OXR1: variants seen among roughly 807,000 people sequenced by gnomAD.
OXR1 encodes oxidation resistance protein 1.
Under a neutral mutation model 104.6 loss-of-function variants are expected in OXR1, and 41 were observed. The observed-to-expected ratio is 0.39, with a 90% confidence interval of 0.31 to 0.51. The LOEUF (loss-of-function observed/expected upper bound fraction) is 0.51, where lower values mean the gene tolerates loss of function less well. Among genes scored for constraint, OXR1 ranks in the 20% least tolerant of loss-of-function variants. OXR1 has a pLI of 0.77. For missense variants in OXR1, 955 were observed against 1,031.9 expected, an observed-to-expected ratio of 0.93 and a Z score of 1.02; for synonymous variants, 348 against 348.4, an observed-to-expected ratio of 1.00 and a Z score of 0.01.
chr8:106,637,762 T>A (rs919003929), intron 3 of OXR1, among the ~76,000 whole-genome samples: 5 of 52,530 alleles, frequency 9.5e-5, no homozygotes, highest in East Asian at 8.7e-4. Flanking sequence ...TAGTTTCGAC[T>A]TTTTTTTTTT....
intron 1 of OXR1, among the ~76,000 whole-genome samples, chr8:106,307,891 A>T (rs187654950): frequency 1.6e-4 from 25 of 152,280 alleles, no homozygotes; most frequent in African/African-American, 6.0e-4. Context: ...TGATTATCAT[A>T]TGTCCATTTT....
At chr8:106,325,801 A>G (rs1814446534) in intron 1 of OXR1, among the ~76,000 whole-genome samples, 1 of 152,228 alleles carries the variant, frequency 6.6e-6, no homozygotes, top group Non-Finnish European at 1.5e-5. Flanking sequence ...TGCATAGATT[A>G]TTTTGATTTT....
intron 7 of OXR1, among the ~76,000 whole-genome samples, chr8:106,694,447 T>C (rs1463566889): frequency 5.1e-5 from 7 of 136,958 alleles, no homozygotes; most frequent in African/African-American, 8.3e-5. Flanking sequence ...AATATATTTT[T>C]ATATATATTT....
At chr8:106,339,492 C>CAAAAAA (rs562959605) in intron 1 of OXR1, among the ~76,000 whole-genome samples, 1 of 7,584 alleles carries the variant, frequency 1.3e-4, no homozygotes, top group Non-Finnish European at 1.9e-4. Context: ...AGACTCCATC[C>CAAAAAA]AAAAAAAAAA....
chr8:106,704,393 C>CTTCTTT (rs1830917410), intron 8 of OXR1, among the ~76,000 whole-genome samples: 6 of 47,892 alleles, frequency 1.3e-4, no homozygotes, highest in African/African-American at 3.0e-4. Context: ...CTTTCTTCTT[C>CTTCTTT]TTTTTTTTTT....
intron 3 of OXR1, among the ~76,000 whole-genome samples, chr8:106,633,700 C>T (rs967641477): frequency 7.2e-5 from 11 of 152,164 alleles, no homozygotes; most frequent in African/African-American, 2.2e-4. Flanking sequence ...ATAATTTCCT[C>T]GTCATGGTGT....
intron 2 of OXR1, among the ~76,000 whole-genome samples, chr8:106,458,454 C>T (rs1237349250): frequency 6.6e-6 from 1 of 152,178 alleles, no homozygotes. Flanking sequence ...TGGCTCCCTC[C>T]ACCAAGATTT....
chr8:106,499,900 T>A (rs917470087), intron 2 of OXR1, among the ~76,000 whole-genome samples: 7 of 152,212 alleles, frequency 4.6e-5, no homozygotes, highest in Non-Finnish European at 7.3e-5. Context: ...CAATTGCAAA[T>A]CATTGCCTGA....
intron 2 of OXR1, among the ~76,000 whole-genome samples, chr8:106,363,729 T>C (rs574616855): frequency 1.3e-5 from 2 of 152,152 alleles, no homozygotes; most frequent in East Asian, 1.9e-4. Flanking sequence ...GCCATCTAGG[T>C]TGGACCTTCA....
chr8:106,513,665 G>A (rs1812683485), intron 2 of OXR1, among the ~76,000 whole-genome samples: 1 of 152,152 alleles, frequency 6.6e-6, no homozygotes, highest in Non-Finnish European at 1.5e-5. Context: ...AAAGAAGCCT[G>A]AGAAGCGGAT....
intron 3 of OXR1, among the ~76,000 whole-genome samples, chr8:106,625,270 G>A (rs1051217094): frequency 2.0e-4 from 30 of 152,070 alleles, no homozygotes; most frequent in African/African-American, 6.8e-4. Flanking sequence ...GGGAGCAGTC[G>A]TGTGTACCTG....
intron 2 of OXR1, among the ~76,000 whole-genome samples, chr8:106,460,195 T>C (rs1820827483): frequency 6.6e-6 from 1 of 152,170 alleles, no homozygotes; most frequent in Non-Finnish European, 1.5e-5. Flanking sequence ...GACTTCTAAG[T>C]TGACAGTTAC....
intron 2 of OXR1, among the ~76,000 whole-genome samples, chr8:106,503,428 C>T (rs182203496): frequency 3.9e-5 from 6 of 152,254 alleles, no homozygotes; most frequent in African/African-American, 1.4e-4. Context: ...CCTTGGCTGA[C>T]CGCCCAATAC....
intron 3 of OXR1, among the ~76,000 whole-genome samples, chr8:106,654,871 A>C (rs3132805): frequency 0.41 from 62,745 of 152,026 alleles, 13,496 homozygotes; most frequent in African/African-American, 0.53. Context: ...ATGTTCCTAC[A>C]TTATTCACAA....
chr8:106,353,526 A>G (rs1223978636), intron 1 of OXR1, among the ~76,000 whole-genome samples: 3 of 152,102 alleles, frequency 2.0e-5, no homozygotes, highest in Non-Finnish European at 4.4e-5. Context: ...TCACTAAATT[A>G]TTATTTTTGA....
At chr8:106,426,884 T>G (rs1344127914) in intron 2 of OXR1, among the ~76,000 whole-genome samples, 1 of 152,206 alleles carries the variant, frequency 6.6e-6, no homozygotes, top group Non-Finnish European at 1.5e-5. Context: ...GAACTAAAAT[T>G]AGAATCACTG....
At chr8:106,513,792 A>G (rs1358297129) in intron 2 of OXR1, among the ~76,000 whole-genome samples, 1 of 151,204 alleles carries the variant, frequency 6.6e-6, no homozygotes, top group East Asian at 2.0e-4. Context: ...ATGCTGTGCT[A>G]GGCACTTTCA....
chr8:106,681,819 C>T (rs557968010), intron 4 of OXR1, among the ~76,000 whole-genome samples: 103 of 152,326 alleles, frequency 6.8e-4, no homozygotes, highest in African/African-American at 2.4e-3. Flanking sequence ...CCCACCATGT[C>T]TGACCTCTGA....
At chr8:106,616,105 G>A (rs1030148860) in intron 3 of OXR1, among the ~76,000 whole-genome samples, 21 of 140,874 alleles carry the variant, frequency 1.5e-4, no homozygotes, top group Admixed American at 1.4e-3. Context: ...GCAATGGTGC[G>A]ATCTCAGCTC....
Sources: allele counts gnomAD v4.1 joint callset (sites outside exome capture counted in the v4.1 genomes callset), GRCh38; gene constraint gnomAD v4.1.1; transcripts MANE v1.5; gene names NCBI Gene and HGNC (gene_info 2026-07-23, HGNC 2026-07-21).